Variants in ZNF148 observed in about 807,000 individuals in gnomAD.
ZNF148 encodes Beta-Enolase Repressor Factor-1.
In ZNF148, 7 loss-of-function variants were observed where a neutral mutation model predicts 67.7. That is an observed-to-expected ratio of 0.10 (90% CI 0.06 to 0.19). The LOEUF (loss-of-function observed/expected upper bound fraction) is 0.19. Ranked by LOEUF, ZNF148 falls within the 10% of genes least tolerant of loss-of-function variation. The pLI is 1.00. For missense variants in ZNF148, 583 were observed against 947.1 expected, an observed-to-expected ratio of 0.62 and a Z score of 5.05; for synonymous variants, 333 against 330.7, an observed-to-expected ratio of 1.01 and a Z score of -0.08.
At chr3:125,292,660 C>T (rs561695953) in intron 4 of ZNF148, 19 of 152,006 alleles carry the variant, frequency 1.2e-4, no homozygotes, top group African/African-American at 4.6e-4. Flanking sequence ...TGTTTAAAGT[C>T]GGGAGAATAA....
chr3:125,335,272 T>C (rs1421874110), intron 1 of ZNF148, among the ~76,000 whole-genome samples: 2 of 152,138 alleles, frequency 1.3e-5, no homozygotes, highest in Non-Finnish European at 2.9e-5. Flanking sequence ...TTTTTAATTA[T>C]TAGTAAAGCT....
At chr3:125,352,032 C>T (rs1480965160) in intron 1 of ZNF148, among the ~76,000 whole-genome samples, 1 of 151,890 alleles carries the variant, frequency 6.6e-6, no homozygotes, top group Non-Finnish European at 1.5e-5. Flanking sequence ...CAATTTTTCA[C>T]TCTTACATAC....
At chr3:125,324,666 T>C (rs183528691) in intron 2 of ZNF148, among the ~76,000 whole-genome samples, 1 of 152,318 alleles carries the variant, frequency 6.6e-6, no homozygotes, top group African/African-American at 2.4e-5. Context: ...AGATGATACA[T>C]GAAAGATCCT....
At chr3:125,330,652 GA>G (rs1559761619) in intron 2 of ZNF148, among the ~76,000 whole-genome samples, 1 of 152,086 alleles carries the variant, frequency 6.6e-6, no homozygotes, top group Admixed American at 6.6e-5. Context: ...ACATAGTCGA[GA>G]CCCTGTCTCT....
intron 3 of ZNF148, among the ~76,000 whole-genome samples, chr3:125,319,339 C>T (rs1330075901): frequency 6.6e-6 from 1 of 152,122 alleles, no homozygotes; most frequent in Admixed American, 6.5e-5. Context: ...GCTTTTAATA[C>T]AAATGTTTTT....
intron 3 of ZNF148, among the ~76,000 whole-genome samples, chr3:125,314,125 CA>C (rs1342204908): frequency 6.6e-6 from 1 of 152,018 alleles, no homozygotes; most frequent in Non-Finnish European, 1.5e-5. Context: ...TACCATTAAA[CA>C]GCACTATCAT....
At chr3:125,322,698 T>G (rs1940837359) in intron 3 of ZNF148, among the ~76,000 whole-genome samples, 1 of 152,186 alleles carries the variant, frequency 6.6e-6, no homozygotes, top group South Asian at 2.1e-4. Context: ...AATCTCAAGA[T>G]AGTTTACACA....
chr3:125,369,217 A>T (rs1942793399), intron 1 of ZNF148, among the ~76,000 whole-genome samples: 1 of 129,636 alleles, frequency 7.7e-6, no homozygotes, highest in Non-Finnish European at 1.6e-5. Context: ...AGCCAAGATC[A>T]CACCACCGGA....
At chr3:125,321,160 T>C (rs1312273601) in intron 3 of ZNF148, among the ~76,000 whole-genome samples, 4 of 152,208 alleles carry the variant, frequency 2.6e-5, no homozygotes, top group Admixed American at 2.6e-4. Flanking sequence ...ATAACTACCA[T>C]TTTGTATCTA....
In ZNF148 at chr3:125,333,156, G is replaced by A. The variant is rs115826436; in HGVS notation, c.-233-1918C>T. 4.8e-3 allele frequency among the ~76,000 whole-genome samples: 728 copies of A among 152,162 alleles called. 5 individuals carry two copies. Among genetic ancestry groups the A allele is most frequent in the African/African-American group, 0.016 (684 of 41,520 alleles). On this transcript the variant is annotated intron_variant, in intron 1 of 8. Transcript: ENST00000360647. ...AATGTTTTTGAAATCTTAACATTCC[G>A]TTGAAAACATTTTCACAAAAAGCAT...
intron 4 of ZNF148, among the ~76,000 whole-genome samples, chr3:125,299,155 G>A (rs1337415174): frequency 6.6e-6 from 1 of 152,120 alleles, no homozygotes; most frequent in African/African-American, 2.4e-5. Flanking sequence ...ATAATAAAAT[G>A]CAAATATAAA....
At chr3:125,281,822 T>C (rs984312563) in intron 5 of ZNF148, among the ~76,000 whole-genome samples, 3 of 152,196 alleles carry the variant, frequency 2.0e-5, no homozygotes, top group Admixed American at 2.0e-4. Context: ...ACATTTTATA[T>C]TTTCCTTACT....
At chr3:125,307,078 G>T (rs933363866) in intron 4 of ZNF148, among the ~76,000 whole-genome samples, 2 of 150,468 alleles carry the variant, frequency 1.3e-5, no homozygotes, top group African/African-American at 4.9e-5. Context: ...GAAAACCATG[G>T]ACTAATATCT....
chr3:125,373,934 C>G (rs1036087896), intron 1 of ZNF148, among the ~76,000 whole-genome samples: 1 of 152,218 alleles, frequency 6.6e-6, no homozygotes, highest in Non-Finnish European at 1.5e-5. Context: ...AATACGGCAC[C>G]AATTCTCCTG....
At chr3:125,266,014 A>C (rs1465567083) in intron 7 of ZNF148, among the ~76,000 whole-genome samples, 2 of 152,216 alleles carry the variant, frequency 1.3e-5, no homozygotes, top group African/African-American at 4.8e-5. Context: ...TTCAACAAGA[A>C]GACTTAACTA....
intron 7 of ZNF148, among the ~76,000 whole-genome samples, chr3:125,269,392 G>C (rs1937618730): frequency 6.8e-6 from 1 of 146,514 alleles, no homozygotes; most frequent in South Asian, 2.2e-4. Flanking sequence ...AAAAAAAAAT[G>C]AACACCACAA....
chr3:125,296,453 T>C (rs1351080063), intron 4 of ZNF148, among the ~76,000 whole-genome samples: 2 of 152,092 alleles, frequency 1.3e-5, no homozygotes, highest in Non-Finnish European at 1.5e-5. Context: ...TTTTCTACCT[T>C]CCACCCAGGA....
rs1232486830 is a variant in ZNF148, at chr3:125,229,125, G to A, written c.*3216C>T. ...GTGCTTCTTCAAGTAAATATACTGT[G>A]AAAAAAAAATGAGTTCTAGTTTAAA... On this transcript the variant is annotated 3_prime_UTR_variant, in exon 9 of 9. Transcript: ENST00000360647. 6.8e-6 allele frequency: 1 copy of A among 146,658 alleles called. No individual in the cohort carries two copies. Among genetic ancestry groups the A allele is most frequent in the Admixed American group, 6.8e-5 (1 of 14,700 alleles). 9.1% of individuals were successfully genotyped at this position (146,658 alleles called of 1,614,324 possible). A position where few individuals can be genotyped will look rare whatever the true frequency, so the allele number is the denominator to read the frequency against.
At chr3:125,315,905 T>C (rs1312622639) in intron 3 of ZNF148, among the ~76,000 whole-genome samples, 2 of 152,092 alleles carry the variant, frequency 1.3e-5, no homozygotes, top group East Asian at 3.9e-4. Flanking sequence ...CACAATCAAG[T>C]TGTTATTGAC....
Sources: gnomAD v4.1 joint callset for allele counts (sites outside exome capture counted in the v4.1 genomes callset) on GRCh38, gnomAD v4.1.1 for gene constraint, MANE v1.5 for transcripts, NCBI Gene and HGNC (gene_info 2026-07-23, HGNC 2026-07-21) for gene names.